RNF111: variants seen among roughly 807,000 people sequenced by gnomAD.
RNF111 encodes the protein E3 ubiquitin-protein ligase Arkadia.
A neutral mutation model predicts 95.1 loss-of-function variants in RNF111; 17 were observed. The observed-to-expected ratio is 0.18, with a 90% CI of 0.12 to 0.27. The LOEUF is 0.27. RNF111 is among the 10% of genes least tolerant of loss of function. The pLI, the probability that RNF111 is intolerant of heterozygous loss-of-function variation, is 1.00. For missense variants in RNF111, 1,189 were observed against 1,210.4 expected, an observed-to-expected ratio of 0.98 and a Z score of 0.26; for synonymous variants, 440 against 414.8, an observed-to-expected ratio of 1.06 and a Z score of -0.74.
At chr15:58,998,233 C>T (rs185241124) in intron 1 of RNF111, among the ~76,000 whole-genome samples, 298 of 150,976 alleles carry the variant, frequency 2.0e-3, no homozygotes, top group African/African-American at 7.0e-3. Context: ...TTCCATGTGA[C>T]AAAATGGGAA....
At chr15:59,038,661 A>G (rs376941290) in intron 2 of RNF111, among the ~76,000 whole-genome samples, 32 of 152,222 alleles carry the variant, frequency 2.1e-4, no homozygotes, top group African/African-American at 7.0e-4. Context: ...CAAAAATTGT[A>G]GACATCATTT....
At chr15:59,026,816 A>G (rs2040633837) in intron 1 of RNF111, among the ~76,000 whole-genome samples, 1 of 152,160 alleles carries the variant, frequency 6.6e-6, no homozygotes, top group Admixed American at 6.6e-5. Context: ...TCTTAGTTAT[A>G]TGGGATATTA....
chr15:59,004,904 C>T (rs1180564341), intron 1 of RNF111, among the ~76,000 whole-genome samples: 1 of 152,162 alleles, frequency 6.6e-6, no homozygotes, highest in Non-Finnish European at 1.5e-5. Context: ...GTAAGATGCT[C>T]ACATTCTGAG....
Position 59,052,346 on chromosome 15 carries a change from A to T in RNF111, c.922A>T (p.Thr308Ser). 6.2e-7 allele frequency: 1 copy of T among 1,603,060 alleles called. No individual in the cohort carries two copies. The highest frequency in any genetic ancestry group is 8.5e-7 in the Non-Finnish European group (1 of 1,175,482). Residue 308 changes from threonine (T) to serine (S), a missense_variant, in exon 3 of 14, where the codon ACT (threonine) becomes TCT (serine). Thr to Ser is a moderately conservative substitution (Grantham distance 58, BLOSUM62 1). Around this residue, in one of 2 missense-constraint regions of RNF111, gnomAD observed 1,024 missense variants for 925.9 expected, o/e 1.11. Transcript: ENST00000348370. ...EDVVVIEASS[T>S]PQVTANEEIN... The stretch of plus-strand genomic sequence containing the variant: ...TGTTGTGGTGATAGAAGCTTCCTCC[A>T]CTCCCCAGGTTACTGCCAATGAAGA...
chr15:59,058,224 C>A, intron 4 of RNF111, 132 bp from the exon 5 acceptor site: 2 of 700,462 alleles, frequency 2.9e-6, no homozygotes, highest in South Asian at 2.3e-5. Flanking sequence ...CTTTCTTTAC[C>A]AAATGTTATT....
chr15:59,046,786 TCA>T (rs1485350744), intron 2 of RNF111, among the ~76,000 whole-genome samples: 6 of 152,198 alleles, frequency 3.9e-5, no homozygotes, highest in African/African-American at 1.4e-4. Flanking sequence ...AAAAGGCATG[TCA>T]CAGACTGGGA....
At chr15:59,072,600 G>A (rs1033126969) in intron 6 of RNF111, among the ~76,000 whole-genome samples, 2 of 151,440 alleles carry the variant, frequency 1.3e-5, no homozygotes, top group African/African-American at 2.4e-5. Flanking sequence ...ACAGGTGCCC[G>A]CCACCACGCC....
intron 13 of RNF111, 80 bp downstream of exon 13, chr15:59,092,720 A>G (rs1366075562): frequency 7.4e-7 from 1 of 1,354,550 alleles, no homozygotes; most frequent in Non-Finnish European, 1.0e-6. Context: ...TACACCGGGC[A>G]TGATGGCTCA....
At chr15:59,056,112 T>G (rs577889673) in intron 4 of RNF111, among the ~76,000 whole-genome samples, 11 of 152,198 alleles carry the variant, frequency 7.2e-5, no homozygotes, top group Non-Finnish European at 1.6e-4. Flanking sequence ...CTCAAACTAG[T>G]TTAGTTTGAT....
intron 1 of RNF111, among the ~76,000 whole-genome samples, chr15:59,010,696 C>T (rs1042286111): frequency 1.2e-4 from 19 of 152,184 alleles, no homozygotes; most frequent in African/African-American, 4.6e-4. Context: ...GCCACCACAT[C>T]TGACCTCCAC....
rs143821180 is a variant in RNF111, at chr15:59,081,365, C to G, written c.2297+81C>G. The G allele has an allele frequency of 7.4e-6, 9 of 1,217,152 alleles. No individual in the cohort carries two copies. In the East Asian group the frequency reaches 1.3e-4, roughly 17 times the overall value. 75.4% of individuals were successfully genotyped at this position (1,217,152 alleles called of 1,614,324 possible). On this transcript the variant is annotated intron_variant, in intron 8 of 13. Transcript: ENST00000348370. ...TGGTCTTTACAACTCTGAAATCCAA[C>G]TAGGCATGGTGGCATGCACTTGTAG...
intron 6 of RNF111, among the ~76,000 whole-genome samples, chr15:59,067,423 G>A (rs950233613): frequency 2.0e-5 from 3 of 151,426 alleles, no homozygotes; most frequent in Admixed American, 2.0e-4. Flanking sequence ...AACTACTTGC[G>A]TTAAAACCAA....
At chr15:59,005,527 A>G (rs1046365138) in intron 1 of RNF111, among the ~76,000 whole-genome samples, 10 of 152,134 alleles carry the variant, frequency 6.6e-5, no homozygotes, top group Admixed American at 3.9e-4. Context: ...TTCTGATTTT[A>G]TTTTTATTTA....
At chr15:59,015,726 G>A (rs1326695118) in intron 1 of RNF111, among the ~76,000 whole-genome samples, 3 of 151,738 alleles carry the variant, frequency 2.0e-5, no homozygotes, top group African/African-American at 4.8e-5. Flanking sequence ...TTCGCCCACC[G>A]TCACCCTGTG....
At chr15:59,069,970 T>A (rs2042836042) in intron 6 of RNF111, among the ~76,000 whole-genome samples, 1 of 149,684 alleles carries the variant, frequency 6.7e-6, no homozygotes, top group Non-Finnish European at 1.5e-5. Flanking sequence ...TGATATGGCT[T>A]TCATCCCTAC....
At chr15:59,017,218 C>T (rs1249328061) in intron 1 of RNF111, among the ~76,000 whole-genome samples, 1 of 134,554 alleles carries the variant, frequency 7.4e-6, no homozygotes, top group Non-Finnish European at 1.6e-5. Flanking sequence ...AGGTTGGAAA[C>T]CGCTGCTGTG....
intron 2 of RNF111, among the ~76,000 whole-genome samples, chr15:59,041,600 A>G (rs1054624409): frequency 2.0e-5 from 3 of 152,150 alleles, no homozygotes; most frequent in East Asian, 1.9e-4. Context: ...AGCTTTTTGT[A>G]TATGTCATTT....
chr15:59,027,360 T>C (rs2040668415), intron 1 of RNF111, among the ~76,000 whole-genome samples: 1 of 152,126 alleles, frequency 6.6e-6, no homozygotes, highest in South Asian at 2.1e-4. Context: ...TTGATACTTT[T>C]CCTCTTGACT....
intron 1 of RNF111, among the ~76,000 whole-genome samples, chr15:59,018,077 A>T (rs1481224626): frequency 6.6e-6 from 1 of 152,098 alleles, no homozygotes; most frequent in Non-Finnish European, 1.5e-5. Context: ...GAGCTCTTAT[A>T]GACTACTTTC....
Sources: allele counts gnomAD v4.1 joint callset (sites outside exome capture counted in the v4.1 genomes callset), GRCh38; gene constraint gnomAD v4.1.1; regional missense constraint gnomAD v4.1.1; transcripts MANE v1.5; gene names NCBI Gene and HGNC (gene_info 2026-07-23, HGNC 2026-07-21).